BIN1: variants seen among roughly 807,000 people sequenced by gnomAD.
BIN1 encodes the protein myc box-dependent-interacting protein 1.
Under a neutral mutation model 82.0 loss-of-function variants are expected in BIN1, and 53 were observed. The ratio of observed to expected loss-of-function variants is 0.65; its 90% CI spans 0.52 to 0.81. The LOEUF (loss-of-function observed/expected upper bound fraction) is 0.81, where lower values mean the gene tolerates loss of function less well. BIN1 is among the 40% of genes least tolerant of loss of function. The probability of loss-of-function intolerance (pLI) is 0.00; values close to 1 mark genes in which losing one functional copy is unlikely to be tolerated. For missense variants in BIN1, 642 were observed against 784.4 expected (o/e 0.82, Z 2.17); for synonymous variants, 302 against 328.0 (o/e 0.92, Z 0.86).
chr2:127,058,186 C>CA (rs1490758785), intron 11 of BIN1, among the ~76,000 whole-genome samples: 1 of 152,202 alleles, frequency 6.6e-6, no homozygotes, highest in Non-Finnish European at 1.5e-5. Context: ...GTCACACACC[C>CA]ATGACGCTGG....
At chr2:127,051,366 G>A (rs1682928751) in intron 15 of BIN1, 123 bp from the exon 16 acceptor site, 1 of 986,918 alleles carries the variant, frequency 1.0e-6, no homozygotes, top group African/African-American at 1.6e-5. Flanking sequence ...GCTGGCAGCA[G>A]GGTCTAGAGC....
intron 1 of BIN1, among the ~76,000 whole-genome samples, chr2:127,094,962 A>T (rs1291459188): frequency 1.3e-5 from 2 of 152,160 alleles, no homozygotes; most frequent in Non-Finnish European, 2.9e-5. Context: ...TCACCAGACC[A>T]GGAGAACAGG....
intron 10 of BIN1, among the ~76,000 whole-genome samples, chr2:127,061,538 C>G (rs1684489902): frequency 6.6e-6 from 1 of 152,226 alleles, no homozygotes; most frequent in South Asian, 2.1e-4. Context: ...GCTGCTTCCT[C>G]TGATCCACAG....
At chr2:127,080,854 AGCCTCGCTGG>A (rs1027216078) in intron 1 of BIN1, among the ~76,000 whole-genome samples, 2 of 152,240 alleles carry the variant, frequency 1.3e-5, no homozygotes, top group African/African-American at 4.8e-5. Flanking sequence ...CACAGGGTTC[AGCCTCGCTGG>A]GCCTCGGCTG....
intron 1 of BIN1, among the ~76,000 whole-genome samples, chr2:127,102,604 G>A (rs1008647822): frequency 1.3e-5 from 2 of 152,224 alleles, no homozygotes; most frequent in African/African-American, 2.4e-5. Flanking sequence ...CAAGTAGCCT[G>A]TGCCTGGCTT....
intron 1 of BIN1, among the ~76,000 whole-genome samples, chr2:127,087,557 G>A (rs561002691): frequency 6.6e-6 from 1 of 152,248 alleles, no homozygotes; most frequent in Non-Finnish European, 1.5e-5. Flanking sequence ...GCAGGGGCCA[G>A]AGTCAGGCTG....
At position 127,062,113 on chromosome 2, in the gene BIN1, A is replaced by T; in HGVS notation, c.857+2T>A. Reference sequence around the variant, plus strand: ...GGGCGCCAGGGCTCTCCCCGCACGCACCTGGGCTGGGCCTTGACCGTGAAG... The same window carrying T: ...GGGCGCCAGGGCTCTCCCCGCACGCTCCTGGGCTGGGCCTTGACCGTGAAG... On this transcript the variant is annotated splice_donor_variant, in intron 10 of 18. Coordinates refer to ENST00000316724, the MANE Select transcript of BIN1 (RefSeq NM_139343.3). LOFTEE classifies it high-confidence loss of function. The T allele has an allele frequency of 6.2e-7, 1 of 1,605,014 alleles. No homozygotes were observed. Among genetic ancestry groups the T allele is most frequent in the Non-Finnish European group, 8.5e-7 (1 of 1,176,234 alleles).
chr2:127,099,820 T>C (rs546417629), intron 1 of BIN1, among the ~76,000 whole-genome samples: 24 of 150,302 alleles, frequency 1.6e-4, no homozygotes, highest in African/African-American at 5.4e-4. Flanking sequence ...CCTTTTTTTT[T>C]TGAGACGGAG....
At chr2:127,060,476 G>C in intron 10 of BIN1, 4 of 1,454,060 alleles carry the variant, frequency 2.8e-6, no homozygotes, top group Non-Finnish European at 3.8e-6. Flanking sequence ...CTGCCGGGCA[G>C]CACTGCACAC....
intron 1 of BIN1, among the ~76,000 whole-genome samples, chr2:127,094,024 G>C (rs186783525): frequency 1.6e-3 from 244 of 152,302 alleles, no homozygotes; most frequent in African/African-American, 5.8e-3. Flanking sequence ...CCCTGGAGCA[G>C]GGCTGGTCCA....
chr2:127,057,734 A>T lies in BIN1; in HGVS notation c.1003-133T>A. On this transcript the variant is annotated intron_variant, in intron 11 of 18. Coordinates refer to ENST00000316724, the MANE Select transcript of BIN1 (RefSeq NM_139343.3). The surrounding 1 kb of genome is among the most constrained non-coding windows in gnomAD (Gnocchi z 5.0). The stretch of plus-strand genomic sequence containing the variant: ...AGTCCCACCCAGGCCACTGAGCAGG[A>T]CGCAGCAAATGAAGAGTCACTGCCC... The T allele has an allele frequency of 8.5e-7, 1 of 1,180,526 alleles. No homozygotes were observed. Among genetic ancestry groups the T allele is most frequent in the South Asian group, 2.2e-5 (1 of 46,148 alleles). The allele number at this position is 1,180,526 out of a possible 1,614,324, so 73.1% of individuals were successfully genotyped here. A position where few individuals can be genotyped will look rare whatever the true frequency, so the allele number is the denominator to read the frequency against.
chr2:127,051,558 C>A (rs919867386), intron 15 of BIN1, among the ~76,000 whole-genome samples: 1 of 152,174 alleles, frequency 6.6e-6, no homozygotes, highest in African/African-American at 2.4e-5. Context: ...GCTCTCTCGG[C>A]ACCAAGACCT....
chr2:127,065,705 A>C (rs1685076782), intron 7 of BIN1, among the ~76,000 whole-genome samples: 1 of 152,198 alleles, frequency 6.6e-6, no homozygotes, highest in Non-Finnish European at 1.5e-5. Context: ...TGGGGACAGC[A>C]GTGAAGACAG....
At chr2:127,064,570 C>A (rs1457405808) in intron 7 of BIN1, among the ~76,000 whole-genome samples, 3 of 152,220 alleles carry the variant, frequency 2.0e-5, no homozygotes, top group Non-Finnish European at 2.9e-5. Context: ...TGGTCCTTCC[C>A]ACAAAGCCCT....
chr2:127,072,543 T>G (rs1051456827), intron 2 of BIN1, among the ~76,000 whole-genome samples: 1 of 152,064 alleles, frequency 6.6e-6, no homozygotes. Context: ...GATGAATGCT[T>G]CCGTGTGACA....
At position 127,090,565 on chromosome 2, in the gene BIN1, G is replaced by A. The variant is rs779417599; in HGVS notation, c.85-13859C>T. Among the ~76,000 whole-genome samples, 24 of 152,214 alleles carry A rather than the reference G, an allele frequency of 1.6e-4. No individual in the cohort carries two copies. The highest frequency in any genetic ancestry group is 3.9e-4 in the East Asian group (2 of 5,188). ...TCCAGGACACTGGCCATAAACACAC[G>A]GTGGAATCTGCTTCTCCAGCCCACC... On this transcript the variant is annotated intron_variant, in intron 1 of 18. Coordinates refer to ENST00000316724, the MANE Select transcript of BIN1 (RefSeq NM_139343.3). This position sits in a 1 kb window ranked among gnomAD's most constrained non-coding sequence, Gnocchi z 6.4.
Position 127,061,413 on chromosome 2 carries a change from C to G in BIN1, c.857+702G>C, listed in dbSNP as rs190649760. On this transcript the variant is annotated intron_variant, in intron 10 of 18. Coordinates refer to ENST00000316724, the MANE Select transcript of BIN1 (RefSeq NM_139343.3). ...GTTTTACAGAGTCCATCGGTGTTCT[C>G]TGCGTTCTGCTGTGATATGTGTGTG... 1.0e-3 allele frequency among the ~76,000 whole-genome samples: 156 copies of G among 152,352 alleles called. 1 individual carries two copies. Among genetic ancestry groups the G allele is most frequent in the African/African-American group, 3.7e-3 (152 of 41,590 alleles).
intron 12 of BIN1, chr2:127,055,426 G>A (rs1433670467): frequency 1.3e-5 from 2 of 152,350 alleles, no homozygotes; most frequent in East Asian, 3.9e-4. Context: ...CCCAAGCCCT[G>A]CCCTGGGCCA....
At chr2:127,086,872 T>G (rs1678239873) in intron 1 of BIN1, among the ~76,000 whole-genome samples, 2 of 152,166 alleles carry the variant, frequency 1.3e-5, no homozygotes, top group South Asian at 4.2e-4. Flanking sequence ...CACATGGCGA[T>G]CCACCTTTTT....
Sources: gnomAD v4.1 joint callset for allele counts (sites outside exome capture counted in the v4.1 genomes callset) on GRCh38, gnomAD v4.1.1 for gene constraint, Gnocchi (gnomAD v3.1) non-coding constraint, MANE v1.5 for transcripts, NCBI Gene and HGNC (gene_info 2026-07-23, HGNC 2026-07-21) for gene names.